USP6NL: variants seen among roughly 807,000 people sequenced by gnomAD.
The protein encoded by USP6NL is USP6 N-terminal-like protein.
A neutral mutation model predicts 61.9 loss-of-function variants in USP6NL; 26 were observed. The observed-to-expected ratio is 0.42, with a 90% confidence interval of 0.31 to 0.58. The LOEUF (loss-of-function observed/expected upper bound fraction) is 0.58. USP6NL is among the 20% of genes least tolerant of loss of function. The pLI, the probability that USP6NL is intolerant of heterozygous loss-of-function variation, is 0.16. For synonymous variants in USP6NL, 432 were observed against 390.1 expected, an observed-to-expected ratio of 1.11 and a Z score of -1.27; for missense variants, 1,114 against 1,034.3, an observed-to-expected ratio of 1.08 and a Z score of -1.06.
rs1267830850 is a variant in USP6NL at position 11,587,792 on chromosome 10, T to A, written c.4+9839A>T. Among the ~76,000 whole-genome samples the A allele has an allele frequency of 1.3e-5, 2 of 152,234 alleles. No homozygotes were observed. The highest frequency in any genetic ancestry group is 4.8e-5 in the African/African-American group (2 of 41,462). Reference sequence around the variant, plus strand: ...CTCTCGATAAAAGCCAAAAGCCGTCTCATTTCAACGCCATCTCATATTCTA... The same window carrying A: ...CTCTCGATAAAAGCCAAAAGCCGTCACATTTCAACGCCATCTCATATTCTA... On this transcript the variant is annotated intron_variant, in intron 2 of 14. Transcript: ENST00000609104. This position sits in a 1 kb window ranked among gnomAD's most constrained non-coding sequence, Gnocchi z 4.5.
intron 1 of USP6NL, among the ~76,000 whole-genome samples, chr10:11,609,406 A>G (rs898573982): frequency 2.0e-5 from 3 of 152,200 alleles, no homozygotes; most frequent in African/African-American, 7.2e-5. Context: ...GGAACAAACT[A>G]TAACTTTCTG....
Position 11,532,425 on chromosome 10 carries a change from G to T in USP6NL, c.5-4858C>A, listed in dbSNP as rs12250042. 204,092 of 494,930 alleles carry T rather than the reference G, an allele frequency of 0.41. 44,945 individuals carry two copies. Among genetic ancestry groups the T allele is most frequent in the Middle Eastern group, 0.49 (1,213 of 2,454 alleles). The allele number at this position is 494,930 out of a possible 1,614,324, so 30.7% of individuals were successfully genotyped here. A position where few individuals can be genotyped will look rare whatever the true frequency, so the allele number is the denominator to read the frequency against. On this transcript the variant is annotated intron_variant, in intron 2 of 14. Coordinates refer to ENST00000609104, the MANE Select transcript of USP6NL (RefSeq NM_014688.5). This position sits in a 1 kb window ranked among gnomAD's most constrained non-coding sequence, Gnocchi z 4.1. ...TGAGATGCACTCTGTCTTCTTCTAA[G>T]GGAGAAAAAAACCTTGCTGTGGTTA...
chr10:11,478,295 T>C lies in USP6NL; in HGVS notation c.1078+3475A>G, dbSNP rs1414243982. ...AGGCTGTGGAGAAATGGCAGTTCTG[T>C]AGCACACCTGTGGTTGTCCAGTGAC... On this transcript the variant is annotated intron_variant, in intron 14 of 14. Transcript: ENST00000609104. This position sits in a 1 kb window ranked among gnomAD's most constrained non-coding sequence, Gnocchi z 6.8. Among the ~76,000 whole-genome samples the C allele has an allele frequency of 6.6e-6, 1 of 152,202 alleles. No individual in the cohort carries two copies. Among genetic ancestry groups the C allele is most frequent in the Non-Finnish European group, 1.5e-5 (1 of 68,040 alleles).
intron 2 of USP6NL, among the ~76,000 whole-genome samples, chr10:11,557,686 T>C (rs769549488): frequency 3.0e-4 from 45 of 152,132 alleles, no homozygotes; most frequent in Admixed American, 9.8e-4. Context: ...GTAAGCAATG[T>C]TCACGAGTGC....
chr10:11,481,796 C>T lies in USP6NL; in HGVS notation c.1052G>A (p.Arg351Gln), dbSNP rs575447541. The T allele has an allele frequency of 8.7e-6, 14 of 1,612,186 alleles. No homozygotes were observed. The highest frequency in any genetic ancestry group is 7.7e-5 in the South Asian group (7 of 90,584). The change falls in exon 14 of 15, where the codon CGG becomes CAG. Residue 351 changes from arginine to glutamine, a missense_variant. Coordinates refer to ENST00000609104, the MANE Select transcript of USP6NL (RefSeq NM_014688.5). This position sits in a 1 kb window ranked among gnomAD's most constrained non-coding sequence, Gnocchi z 4.4. Reference protein sequence around the residue: ...QLQISMTELKRAKLDLPEPGK... With the variant: ...QLQISMTELKQAKLDLPEPGK... ...AGGTTCTGGAAGGTCTAACTTTGCC[C>T]GCTTTAGTTCTGTCATAGAAATCTG... is the stretch of plus-strand genomic sequence containing the variant.
intron 2 of USP6NL, among the ~76,000 whole-genome samples, chr10:11,583,111 G>T (rs1366066208): frequency 6.6e-6 from 1 of 151,326 alleles, no homozygotes; most frequent in African/African-American, 2.4e-5. Flanking sequence ...CATGGAAAAA[G>T]AGTGTGAATT....
chr10:11,506,906 G>A (rs1404448631), intron 6 of USP6NL, among the ~76,000 whole-genome samples: 1 of 152,098 alleles, frequency 6.6e-6, no homozygotes, highest in Non-Finnish European at 1.5e-5. Flanking sequence ...AAAAATGCTA[G>A]TTTTTTTACT....
intron 2 of USP6NL, among the ~76,000 whole-genome samples, chr10:11,556,771 T>C (rs1386646464): frequency 1.3e-5 from 2 of 151,952 alleles, no homozygotes; most frequent in Non-Finnish European, 2.9e-5. Context: ...AAAGCAAAAA[T>C]TGGCAAAATT....
chr10:11,579,762 G>A (rs1837676478), intron 2 of USP6NL, among the ~76,000 whole-genome samples: 1 of 142,912 alleles, frequency 7.0e-6, no homozygotes, highest in African/African-American at 2.6e-5. Context: ...CCCTCATGGG[G>A]GAGATAGACT....
At chr10:11,538,271 G>T (rs978178671) in intron 2 of USP6NL, among the ~76,000 whole-genome samples, 6 of 151,946 alleles carry the variant, frequency 3.9e-5, no homozygotes, top group Admixed American at 3.9e-4. Flanking sequence ...ATCAAAACTA[G>T]AATTGTAAGC....
At chr10:11,469,533 G>A (rs763356741) in intron 14 of USP6NL, among the ~76,000 whole-genome samples, 1 of 152,222 alleles carries the variant, frequency 6.6e-6, no homozygotes, top group Non-Finnish European at 1.5e-5. Flanking sequence ...TACTGTTTAA[G>A]AGGAATATGG....
intron 8 of USP6NL, 47 bp downstream of exon 8, chr10:11,493,072 C>T: frequency 6.7e-7 from 1 of 1,486,620 alleles, no homozygotes; most frequent in South Asian, 1.2e-5. Context: ...TTAATAAAGA[C>T]TATTTATAAA....
At chr10:11,526,030 T>A (rs146196430) in intron 3 of USP6NL, among the ~76,000 whole-genome samples, 2 of 152,174 alleles carry the variant, frequency 1.3e-5, no homozygotes, top group African/African-American at 4.8e-5. Flanking sequence ...TGAAGCGTAC[T>A]TGTCAGTGTC....
At chr10:11,549,254 G>GAAC (rs768025362) in intron 2 of USP6NL, among the ~76,000 whole-genome samples, 1 of 151,956 alleles carries the variant, frequency 6.6e-6, no homozygotes, top group Non-Finnish European at 1.5e-5. Context: ...ACGATAAAAA[G>GAAC]AACAACAACA....
chr10:11,544,272 G>A (rs1439371254), intron 2 of USP6NL, among the ~76,000 whole-genome samples: 2 of 152,128 alleles, frequency 1.3e-5, no homozygotes, highest in African/African-American at 4.8e-5. Context: ...GGGTGGGGGA[G>A]GGGAGCCTTG....
At position 11,478,844 on chromosome 10, in the gene USP6NL, T is replaced by G. The variant is rs1212374576; in HGVS notation, c.1078+2926A>C. On this transcript the variant is annotated intron_variant, in intron 14 of 14. Transcript: ENST00000609104. The surrounding 1 kb of genome is among the most constrained non-coding windows in gnomAD (Gnocchi z 6.8). ...TCACTTGAGCCGGGGAGGTCAAGGC[T>G]GCACTGAGCCATGATTGAGCCATCA... 6.6e-6 allele frequency among the ~76,000 whole-genome samples: 1 copy of G among 152,034 alleles called. No individual in the cohort carries two copies. The highest frequency in any genetic ancestry group is 6.6e-5 in the Admixed American group (1 of 15,258).
rs1483766921 is a variant in USP6NL at position 11,595,142 on chromosome 10, C to T, written c.4+2489G>A. Among the ~76,000 whole-genome samples, 1 of 152,194 alleles carries T rather than the reference C, an allele frequency of 6.6e-6. No homozygotes were observed. Among genetic ancestry groups the T allele is most frequent in the Non-Finnish European group, 1.5e-5 (1 of 68,050 alleles). On this transcript the variant is annotated intron_variant, in intron 2 of 14. Coordinates refer to ENST00000609104, the MANE Select transcript of USP6NL (RefSeq NM_014688.5). This position sits in a 1 kb window ranked among gnomAD's most constrained non-coding sequence, Gnocchi z 5.3. ...TCTCTGTAGCTTCCCCTTCTTCACA[C>T]AAACACACAGAAATAACAGGTGAAA... is the stretch of plus-strand genomic sequence containing the variant.
chr10:11,527,380 T>G, intron 3 of USP6NL, 120 bp downstream of exon 3: 1 of 795,218 alleles, frequency 1.3e-6, no homozygotes, highest in Non-Finnish European at 2.0e-6. Flanking sequence ...ATGATCTCTA[T>G]GTCCCCATGA....
chr10:11,462,743 A>G lies in USP6NL; in HGVS notation c.2185T>C (p.Tyr729His), dbSNP rs1170099064. The G allele has an allele frequency of 6.2e-7, 1 of 1,614,028 alleles. No individual in the cohort carries two copies. The highest frequency in any genetic ancestry group is 1.1e-5 in the South Asian group (1 of 91,084). ...NGKLIIPPVD[Y>H]LPDNRTWSEV... ...GACCATGTTCTGTTATCTGGCAAGT[A>G]ATCCACTGGTGGAATGATCAATTTT... is the stretch of plus-strand genomic sequence containing the variant. The change falls in exon 15 of 15, where the codon TAC (tyrosine) becomes CAC (histidine). Residue 729 changes from tyrosine to histidine, a missense_variant. Physicochemically the swap from Tyr to His is moderately conservative, Grantham distance 83. Transcript: ENST00000609104.
Sources: allele counts gnomAD v4.1 joint callset (sites outside exome capture counted in the v4.1 genomes callset), GRCh38; gene constraint gnomAD v4.1.1; non-coding constraint Gnocchi (gnomAD v3.1); transcripts MANE v1.5; gene names NCBI Gene and HGNC (gene_info 2026-07-23, HGNC 2026-07-21).